The following CD47 variants were observed in gnomAD, a reference collection of about 807,000 sequenced individuals.
CD47 encodes the protein leukocyte surface antigen CD47.
In CD47, 11 loss-of-function variants were observed where a neutral mutation model predicts 44.6. The ratio of observed to expected loss-of-function variants is 0.25; its 90% CI spans 0.16 to 0.41. The LOEUF (loss-of-function observed/expected upper bound fraction) is 0.41. CD47 is among the 10% of genes least tolerant of loss of function. The pLI is 1.00. For synonymous variants in CD47, 140 were observed against 136.3 expected (o/e 1.03, Z -0.19); for missense variants, 306 against 386.7 (o/e 0.79, Z 1.75).
At chr3:108,083,207 G>C (rs2079450502) in intron 1 of CD47, among the ~76,000 whole-genome samples, 2 of 151,926 alleles carry the variant, frequency 1.3e-5, no homozygotes, top group African/African-American at 4.8e-5. Context: ...AGATAAATTA[G>C]CAAATAAAAT....
chr3:108,065,594 C>T (rs373697001), intron 3 of CD47, among the ~76,000 whole-genome samples: 5 of 151,740 alleles, frequency 3.3e-5, no homozygotes, highest in Admixed American at 1.3e-4. Context: ...AGACGGATCA[C>T]GAGGTCAGGA....
intron 3 of CD47, among the ~76,000 whole-genome samples, chr3:108,069,609 C>T (rs901599486): frequency 2.6e-4 from 39 of 150,482 alleles, no homozygotes; most frequent in African/African-American, 9.5e-4. Context: ...TTGTAAAGCT[C>T]ATTTTGTAAA....
chr3:108,084,648 A>T (rs2079483903), intron 1 of CD47, among the ~76,000 whole-genome samples: 1 of 152,068 alleles, frequency 6.6e-6, no homozygotes, highest in South Asian at 2.1e-4. Context: ...CAAAGTCAGT[A>T]TGTCCAAAAA....
intron 1 of CD47, among the ~76,000 whole-genome samples, chr3:108,086,543 T>C (rs1269286259): frequency 2.6e-5 from 4 of 152,188 alleles, no homozygotes; most frequent in African/African-American, 9.6e-5. Flanking sequence ...CATCTGTCAA[T>C]GGACTAGTGA....
intron 3 of CD47, among the ~76,000 whole-genome samples, chr3:108,066,249 T>A (rs2079104250): frequency 6.6e-6 from 1 of 151,788 alleles, no homozygotes; most frequent in Non-Finnish European, 1.5e-5. Flanking sequence ...GAGGGGAAAG[T>A]TGAAAAAAAA....
intron 3 of CD47, among the ~76,000 whole-genome samples, chr3:108,062,560 C>T (rs1576997299): frequency 1.3e-5 from 2 of 151,826 alleles, no homozygotes. Flanking sequence ...GATCAAGCAA[C>T]AAGAATTTGC....
rs1412682962 is a variant in CD47, at chr3:108,078,676, GA to G, written c.400+1314del. ...ATCAATAGTAAAAGCTACAATGTAA[GA>G]GAGATTTCTGAGCAGAAAGACCTTT... On this transcript the variant is annotated intron_variant, in intron 2 of 10. Coordinates refer to ENST00000361309, the MANE Select transcript of CD47 (RefSeq NM_001777.4). Among the ~76,000 whole-genome samples the G allele has an allele frequency of 1.1e-4, 17 of 151,430 alleles. No homozygotes were observed. The Admixed American group carries it at 1.1e-3, about 10-fold the overall frequency.
At chr3:108,074,522 C>CA (rs1218873740) in intron 2 of CD47, among the ~76,000 whole-genome samples, 1 of 152,008 alleles carries the variant, frequency 6.6e-6, no homozygotes, top group Non-Finnish European at 1.5e-5. Context: ...TCATGTTGGC[C>CA]AGGCTGGTCT....
chr3:108,047,972 T>C (rs996226096), intron 10 of CD47, among the ~76,000 whole-genome samples: 5 of 152,132 alleles, frequency 3.3e-5, no homozygotes, highest in African/African-American at 7.2e-5. Context: ...GATTCTTAGA[T>C]TGCTTTCCTG....
chr3:108,047,194 A>T lies in CD47; in HGVS notation c.*94T>A. 2 of 1,008,370 alleles carry T rather than the reference A, an allele frequency of 2.0e-6. No homozygotes were observed. The highest frequency in any genetic ancestry group is 1.5e-6 in the Non-Finnish European group (1 of 656,544). 62.5% of individuals were successfully genotyped at this position (1,008,370 alleles called of 1,614,324 possible). ...GTTACTTTTCTTGTTTCTTCTCCCC[A>T]ACAGTGAATCATCAAGGCCATGGTG... On this transcript the variant is annotated 3_prime_UTR_variant, in exon 11 of 11. Transcript: ENST00000361309.
intron 6 of CD47, among the ~76,000 whole-genome samples, chr3:108,058,120 C>T (rs975813008): frequency 6.6e-6 from 1 of 152,030 alleles, no homozygotes; most frequent in African/African-American, 2.4e-5. Context: ...CGTAATTGCA[C>T]TCCTTGGTAT....
chr3:108,088,507 C>T (rs1467218379), intron 1 of CD47, among the ~76,000 whole-genome samples: 4 of 151,870 alleles, frequency 2.6e-5, no homozygotes, highest in Non-Finnish European at 1.5e-5. Flanking sequence ...AAAATGGCAA[C>T]TTGTAATTAA....
intron 3 of CD47, among the ~76,000 whole-genome samples, chr3:108,061,288 C>A (rs975738443): frequency 8.6e-5 from 13 of 150,610 alleles, no homozygotes; most frequent in Non-Finnish European, 1.6e-4. Context: ...TCAATGCCCC[C>A]GATGAGCAAA....
rs2078693764 is a variant in CD47 at position 108,044,759 on chromosome 3, A to G, written c.*2529T>C. On this transcript the variant is annotated 3_prime_UTR_variant, in exon 11 of 11. Transcript: ENST00000361309. ...AGGAACTGCAAAGGAGAATGTTTTG[A>G]AGGAGAAGACAAATAGAATTTGGCA... 1 of 152,300 alleles carries G rather than the reference A, an allele frequency of 6.6e-6. No individual in the cohort carries two copies. Among genetic ancestry groups the G allele is most frequent in the African/African-American group, 2.4e-5 (1 of 41,460 alleles). The allele number at this position is 152,300 out of a possible 1,614,324, so 9.4% of individuals were successfully genotyped here.
intron 7 of CD47, among the ~76,000 whole-genome samples, chr3:108,056,585 T>G (rs1174657623): frequency 6.6e-6 from 1 of 152,156 alleles, no homozygotes; most frequent in Non-Finnish European, 1.5e-5. Context: ...CTCCATTAAT[T>G]TATAACTTTT....
At chr3:108,048,371 GT>G (rs146476512) in intron 10 of CD47, among the ~76,000 whole-genome samples, 224 of 79,586 alleles carry the variant, frequency 2.8e-3, no homozygotes, top group Middle Eastern at 0.018. Context: ...TGACTGGAGT[GT>G]TTTTTTTTTT....
intron 10 of CD47, among the ~76,000 whole-genome samples, chr3:108,047,921 G>T (rs944051482): frequency 6.6e-6 from 1 of 152,112 alleles, no homozygotes; most frequent in East Asian, 1.9e-4. Context: ...GTTTAAAAAA[G>T]TCACATCTTA....
At chr3:108,056,436 T>C (rs1205517925) in intron 7 of CD47, among the ~76,000 whole-genome samples, 1 of 152,118 alleles carries the variant, frequency 6.6e-6, no homozygotes, top group Non-Finnish European at 1.5e-5. Context: ...AGTTCAGAAA[T>C]AAAGGTAAAA....
chr3:108,081,340 C>T (rs2079414382), intron 1 of CD47, among the ~76,000 whole-genome samples: 1 of 152,006 alleles, frequency 6.6e-6, no homozygotes, highest in African/African-American at 2.4e-5. Context: ...ACCTAAGTAG[C>T]TACTTGGCCT....
Sources: allele counts gnomAD v4.1 joint callset (sites outside exome capture counted in the v4.1 genomes callset), GRCh38; gene constraint gnomAD v4.1.1; transcripts MANE v1.5; gene names NCBI Gene and HGNC (gene_info 2026-07-23, HGNC 2026-07-21).